PTPRQ: variants seen among roughly 807,000 people sequenced by gnomAD.
The protein encoded by PTPRQ is protein tyrosine phosphatase receptor type Q.
In PTPRQ, 199 loss-of-function variants were observed where a neutral mutation model predicts 246.0. The observed-to-expected ratio is 0.81, with a 90% CI of 0.72 to 0.91. PTPRQ has a LOEUF of 0.91. Among genes scored for constraint, PTPRQ ranks in the 40% least tolerant of loss-of-function variants. PTPRQ has a pLI of 0.00. For missense variants in PTPRQ, 2,624 were observed against 2,528.4 expected (o/e 1.04, Z -0.81); for synonymous variants, 869 against 853.2 (o/e 1.02, Z -0.32).
At chr12:80,563,870 GC>G (rs367861153) in intron 25 of PTPRQ, among the ~76,000 whole-genome samples, 94 of 152,176 alleles carry the variant, frequency 6.2e-4, no homozygotes, top group African/African-American at 2.2e-3. Context: ...ATGGTTCGGT[GC>G]CTTATTACTG....
intron 24 of PTPRQ, among the ~76,000 whole-genome samples, chr12:80,548,563 G>T (rs1216284712): frequency 1.3e-5 from 2 of 152,112 alleles, no homozygotes; most frequent in African/African-American, 4.8e-5. Flanking sequence ...GGTGTAGGCA[G>T]ATCAGGGATC....
chr12:80,489,148 T>C (rs937996294), intron 9 of PTPRQ, among the ~76,000 whole-genome samples: 1 of 152,028 alleles, frequency 6.6e-6, no homozygotes, highest in Non-Finnish European at 1.5e-5. Context: ...AACCCATAGA[T>C]GAATAAGAAA....
rs1057240139 is a variant in PTPRQ, at chr12:80,539,900, G to A, written c.3110G>A (p.Gly1037Glu). 1 of 1,548,244 alleles carries A rather than the reference G, an allele frequency of 6.5e-7. No homozygotes were observed. The highest frequency in any genetic ancestry group is 8.7e-7 in the Non-Finnish European group (1 of 1,145,350). ...ACAGCAAGTACTTCAGTTGGAAATG[G>A]GAATAAAAGCAGTGACATCATTGAA... ...WLTASTSVGN[G>E]NKSSDIIEVY... The change falls in exon 20 of 45, where the codon GGG becomes GAG. Residue 1037 changes from glycine to glutamate, a missense_variant. Transcript: ENST00000644991.
intron 35 of PTPRQ, among the ~76,000 whole-genome samples, chr12:80,641,864 A>ACTCT (rs759676451): frequency 2.8e-5 from 3 of 109,076 alleles, no homozygotes; most frequent in Admixed American, 1.7e-4. Flanking sequence ...TCTCTCTCTC[A>ACTCT]CTCTCTCTCT....
At chr12:80,546,372 A>G (rs924776562) in intron 23 of PTPRQ, among the ~76,000 whole-genome samples, 184 bp from the exon 24 acceptor site, 4 of 152,176 alleles carry the variant, frequency 2.6e-5, no homozygotes, top group Non-Finnish European at 4.4e-5. Flanking sequence ...TCATCCTTGT[A>G]TCATAAACTG....
chr12:80,559,169 C>G (rs1025072345), intron 25 of PTPRQ, among the ~76,000 whole-genome samples: 1 of 152,156 alleles, frequency 6.6e-6, no homozygotes, highest in Non-Finnish European at 1.5e-5. Context: ...CCCAGCCTCC[C>G]GAGTAGCTGG....
intron 38 of PTPRQ, among the ~76,000 whole-genome samples, chr12:80,656,125 T>C (rs1565844631): frequency 6.6e-6 from 1 of 152,284 alleles, no homozygotes; most frequent in Middle Eastern, 3.4e-3. Context: ...TTAAACTAGA[T>C]CATATAAAAT....
At chr12:80,549,433 C>T in intron 24 of PTPRQ, 32 bp from the exon 25 acceptor site, 1 of 1,516,452 alleles carries the variant, frequency 6.6e-7, no homozygotes, top group East Asian at 2.5e-5. Context: ...TATGTATACA[C>T]TTTAACTTTG....
intron 9 of PTPRQ, among the ~76,000 whole-genome samples, chr12:80,488,617 G>C (rs912233336): frequency 6.6e-6 from 1 of 151,962 alleles, no homozygotes. Flanking sequence ...GGAAGTAAGA[G>C]GTAGGGAGGG....
intron 25 of PTPRQ, among the ~76,000 whole-genome samples, chr12:80,567,675 T>G (rs951714205): frequency 1.3e-5 from 2 of 152,222 alleles, no homozygotes; most frequent in Non-Finnish European, 2.9e-5. Flanking sequence ...ATGAATATAC[T>G]ATTATTAGTG....
At chr12:80,606,172 T>C (rs1025212919) in intron 27 of PTPRQ, among the ~76,000 whole-genome samples, 9 of 151,066 alleles carry the variant, frequency 6.0e-5, no homozygotes, top group Admixed American at 2.0e-4. Flanking sequence ...GTTTGAAATA[T>C]GTGGCAGTCC....
intron 9 of PTPRQ, among the ~76,000 whole-genome samples, chr12:80,487,834 C>T (rs1231423557): frequency 2.0e-5 from 3 of 152,080 alleles, no homozygotes; most frequent in Admixed American, 2.0e-4. Flanking sequence ...ACAAACTTAG[C>T]AGCTTAAAAC....
At chr12:80,602,661 A>G (rs1420035709) in intron 26 of PTPRQ, among the ~76,000 whole-genome samples, 1 of 151,678 alleles carries the variant, frequency 6.6e-6, no homozygotes, top group African/African-American at 2.4e-5. Context: ...TGACGTAATC[A>G]CCTCTTATAG....
At chr12:80,447,472 C>A (rs969240167) in intron 3 of PTPRQ, among the ~76,000 whole-genome samples, 1 of 151,970 alleles carries the variant, frequency 6.6e-6, no homozygotes. Flanking sequence ...AATTATTTGC[C>A]TAGTCCAATA....
chr12:80,493,129 A>T, intron 9 of PTPRQ, 146 bp from the exon 10 acceptor site: 1 of 865,022 alleles, frequency 1.2e-6, no homozygotes, highest in Non-Finnish European at 1.6e-6. Context: ...GAAATTTTGG[A>T]ATCTAAAGAA....
At chr12:80,634,728 C>A (rs1359041539) in intron 34 of PTPRQ, 2 of 542,322 alleles carry the variant, frequency 3.7e-6, no homozygotes, top group African/African-American at 2.0e-5. Context: ...GAACTTCATC[C>A]CAATAACTTA....
intron 9 of PTPRQ, among the ~76,000 whole-genome samples, chr12:80,486,006 C>T (rs560252115): frequency 3.3e-5 from 5 of 152,116 alleles, no homozygotes; most frequent in Non-Finnish European, 7.3e-5. Flanking sequence ...TGCTATATAG[C>T]AAGTGGTTAA....
At chr12:80,481,552 G>T (rs1022388499) in intron 8 of PTPRQ, among the ~76,000 whole-genome samples, 3 of 152,044 alleles carry the variant, frequency 2.0e-5, no homozygotes, top group Non-Finnish European at 4.4e-5. Flanking sequence ...AGGAAATAAA[G>T]GGCATTCAAT....
Position 80,466,530 on chromosome 12 carries a change from A to C in PTPRQ, c.911-2180A>C, listed in dbSNP as rs537308053. ...ACTTTAAAGTTCATATGGAACCAAA[A>C]AGGAGCCCGCATTGCCAAGTCAATC... is the stretch of plus-strand genomic sequence containing the variant. On this transcript the variant is annotated intron_variant, in intron 6 of 44. Transcript: ENST00000644991. Among the ~76,000 whole-genome samples, 962 of 152,336 alleles carry C rather than the reference A, an allele frequency of 6.3e-3. 5 individuals are homozygous for C. The highest frequency in any genetic ancestry group is 0.011 in the Non-Finnish European group (767 of 68,034).
Sources: allele counts gnomAD v4.1 joint callset (sites outside exome capture counted in the v4.1 genomes callset), GRCh38; gene constraint gnomAD v4.1.1; transcripts MANE v1.5; gene names NCBI Gene and HGNC (gene_info 2026-07-23, HGNC 2026-07-21).